RBFOX1: variants seen among roughly 807,000 people sequenced by gnomAD.
RBFOX1 encodes RNA binding fox-1 homolog 1.
A neutral mutation model predicts 57.7 loss-of-function variants in RBFOX1; 8 were observed. That is an observed-to-expected ratio of 0.14 (90% CI 0.08 to 0.25). RBFOX1 has a LOEUF of 0.25. Ranked by LOEUF, RBFOX1 falls within the 10% of genes least tolerant of loss-of-function variation. The pLI, the probability that RBFOX1 is intolerant of heterozygous loss-of-function variation, is 1.00. For synonymous variants in RBFOX1, 326 were observed against 222.4 expected, an observed-to-expected ratio of 1.47 and a Z score of -4.15; for missense variants, 611 against 548.5, an observed-to-expected ratio of 1.11 and a Z score of -1.14.
intron 4 of RBFOX1, among the ~76,000 whole-genome samples, chr16:7,321,144 G>A: frequency 1.7e-5 from 1 of 60,594 alleles, no homozygotes; most frequent in Admixed American, 2.3e-4. Context: ...TACTTATATT[G>A]TTTGTTTTTT....
intron 4 of RBFOX1, among the ~76,000 whole-genome samples, chr16:7,364,684 T>C (rs2097403537): frequency 6.6e-6 from 1 of 152,090 alleles, no homozygotes; most frequent in Non-Finnish European, 1.5e-5. Flanking sequence ...AATGATCCTC[T>C]AGTCACTTTT....
chr16:6,668,081 A>AGAGTTTTGTGT (rs2098743528), intron 3 of RBFOX1, among the ~76,000 whole-genome samples: 1 of 152,168 alleles, frequency 6.6e-6, no homozygotes, highest in Non-Finnish European at 1.5e-5. Flanking sequence ...CCAAACCCTC[A>AGAGTTTTGTGT]ATTACCTGTC....
intron 4 of RBFOX1, among the ~76,000 whole-genome samples, chr16:7,057,155 A>G (rs937919918): frequency 3.3e-5 from 5 of 152,164 alleles, no homozygotes; most frequent in African/African-American, 1.2e-4. Context: ...CAGAGAACAC[A>G]TATCTACTGC....
At chr16:5,484,651 A>G (rs1347539692) in intron 2 of RBFOX1, among the ~76,000 whole-genome samples, 2 of 152,102 alleles carry the variant, frequency 1.3e-5, no homozygotes, top group African/African-American at 4.8e-5. Context: ...GGTGGCTCAC[A>G]CCTGTAATTC....
At chr16:7,292,139 C>T (rs866449557) in intron 4 of RBFOX1, among the ~76,000 whole-genome samples, 235 of 98,770 alleles carry the variant, frequency 2.4e-3, no homozygotes, top group South Asian at 0.016. Context: ...TAATGTATTA[C>T]GTATGATATA....
chr16:6,601,973 C>T (rs1256493449), intron 2 of RBFOX1, among the ~76,000 whole-genome samples: 3 of 151,920 alleles, frequency 2.0e-5, no homozygotes, highest in Admixed American at 6.5e-5. Flanking sequence ...ATAAACAACT[C>T]TTCTCTCTTG....
intron 1 of RBFOX1, among the ~76,000 whole-genome samples, chr16:5,413,727 A>T (rs2067086405): frequency 6.6e-6 from 1 of 152,220 alleles, no homozygotes. Flanking sequence ...CTCGTGGTAT[A>T]ACCTTCGTTG....
intron 4 of RBFOX1, among the ~76,000 whole-genome samples, chr16:7,057,290 A>C (rs2052639642): frequency 6.6e-6 from 1 of 152,166 alleles, no homozygotes; most frequent in African/African-American, 2.4e-5. Flanking sequence ...ATAGAGACAG[A>C]TTCCAGCTAT....
intron 4 of RBFOX1, among the ~76,000 whole-genome samples, chr16:7,061,427 C>G (rs1047313617): frequency 6.6e-6 from 1 of 152,172 alleles, no homozygotes; most frequent in Admixed American, 6.5e-5. Flanking sequence ...ATTTCTCCAA[C>G]TTCATTGTGA....
chr16:7,408,388 A>G (rs2098382263), intron 4 of RBFOX1, among the ~76,000 whole-genome samples: 1 of 152,226 alleles, frequency 6.6e-6, no homozygotes, highest in South Asian at 2.1e-4. Context: ...GTCTGAGCAC[A>G]GTAAACCATT....
chr16:5,340,148 A>C (rs1596573250), intron 1 of RBFOX1, among the ~76,000 whole-genome samples: 1 of 152,180 alleles, frequency 6.6e-6, no homozygotes, highest in South Asian at 2.1e-4. Context: ...TTCAGCAAAA[A>C]TCCAACTTGC....
At chr16:6,669,579 G>C (rs142180304) in intron 3 of RBFOX1, among the ~76,000 whole-genome samples, 2 of 152,068 alleles carry the variant, frequency 1.3e-5, no homozygotes, top group African/African-American at 4.8e-5. Flanking sequence ...TGAAAAAGTC[G>C]TTAGAATCAA....
At chr16:6,957,794 G>C (rs1048284695) in intron 3 of RBFOX1, among the ~76,000 whole-genome samples, 3 of 152,110 alleles carry the variant, frequency 2.0e-5, no homozygotes, top group Admixed American at 6.6e-5. Flanking sequence ...ATACCTTAGG[G>C]AAAGCCAGGC....
In RBFOX1 at chr16:7,472,338, C is replaced by A. The variant is rs146734116; in HGVS notation, c.28-45809C>A. On this transcript the variant is annotated intron_variant, in intron 4 of 15. Coordinates refer to ENST00000550418, the MANE Select transcript of RBFOX1 (RefSeq NM_018723.4). ...CAAATAGTAATTTGGAGGAGGGGATCTTCGTCAACAACATAAACTTTCCAT... is the reference window on the plus strand; with the variant it reads ...CAAATAGTAATTTGGAGGAGGGGATATTCGTCAACAACATAAACTTTCCAT... Among the ~76,000 whole-genome samples, 355 of 152,188 alleles carry A rather than the reference C, an allele frequency of 2.3e-3. 1 individual carries two copies. The highest frequency in any genetic ancestry group is 0.014 in the Middle Eastern group (4 of 294).
At chr16:5,822,100 T>C (rs1452984518) in intron 3 of RBFOX1, among the ~76,000 whole-genome samples, 1 of 152,248 alleles carries the variant, frequency 6.6e-6, no homozygotes, top group African/African-American at 2.4e-5. Flanking sequence ...TTGTGAATTG[T>C]GCTGCCACAA....
At chr16:6,394,371 C>T (rs572680295) in intron 2 of RBFOX1, among the ~76,000 whole-genome samples, 1 of 152,100 alleles carries the variant, frequency 6.6e-6, no homozygotes, top group African/African-American at 2.4e-5. Flanking sequence ...AAGGAATAAT[C>T]GATGCATGTG....
At chr16:7,084,421 A>C (rs2059673919) in intron 4 of RBFOX1, among the ~76,000 whole-genome samples, 1 of 152,214 alleles carries the variant, frequency 6.6e-6, no homozygotes, top group Admixed American at 6.5e-5. Flanking sequence ...CGAAGAGGAA[A>C]AAAGAAAATG....
chr16:6,230,517 C>T (rs971835139), intron 1 of RBFOX1, among the ~76,000 whole-genome samples: 6 of 152,110 alleles, frequency 3.9e-5, no homozygotes, highest in Admixed American at 1.3e-4. Context: ...CATCAAACCG[C>T]CCCAAAGCCT....
At chr16:5,935,575 T>C (rs1383237784) in intron 4 of RBFOX1, among the ~76,000 whole-genome samples, 1 of 152,182 alleles carries the variant, frequency 6.6e-6, no homozygotes, top group Non-Finnish European at 1.5e-5. Flanking sequence ...TTGGGGGATC[T>C]GGGTTCTGGA....
Sources: allele counts gnomAD v4.1 joint callset (sites outside exome capture counted in the v4.1 genomes callset), GRCh38; gene constraint gnomAD v4.1.1; transcripts MANE v1.5; gene names NCBI Gene and HGNC (gene_info 2026-07-23, HGNC 2026-07-21).